FNDC3A: variants seen among roughly 807,000 people sequenced by gnomAD.
FNDC3A encodes the protein fibronectin type-III domain-containing protein 3A.
FNDC3A carries 32 observed loss-of-function variants against 148.9 expected under a neutral mutation model. That is an observed-to-expected ratio of 0.21 (90% CI 0.16 to 0.29). The LOEUF (loss-of-function observed/expected upper bound fraction) is 0.29. FNDC3A is among the 10% of genes least tolerant of loss of function. The pLI, the probability that FNDC3A is intolerant of heterozygous loss-of-function variation, is 1.00. For missense variants in FNDC3A, 1,191 were observed against 1,452.8 expected, an observed-to-expected ratio of 0.82 and a Z score of 2.93; for synonymous variants, 472 against 473.6, an observed-to-expected ratio of 1.00 and a Z score of 0.04.
intron 2 of FNDC3A, chr13:49,045,034 T>TCCTTTCCCTTTTCCTTTC (rs201708928): frequency 4.5e-6 from 1 of 220,820 alleles, no homozygotes; most frequent in Non-Finnish European, 9.0e-6. Context: ...CCTTTCCCTT[T>TCCTTTCCCTTTTCCTTTC]CCTTTCCCTT....
At chr13:48,994,651 G>A (rs919627952) in intron 1 of FNDC3A, among the ~76,000 whole-genome samples, 1 of 152,050 alleles carries the variant, frequency 6.6e-6, no homozygotes, top group Admixed American at 6.6e-5. Flanking sequence ...GGTGGCGCAT[G>A]CCTGTAATCC....
At chr13:49,172,222 T>A (rs1884790714) in intron 11 of FNDC3A, 126 bp downstream of exon 11, 1 of 602,988 alleles carries the variant, frequency 1.7e-6, no homozygotes, top group African/African-American at 1.9e-5. Context: ...TGATTTTGTG[T>A]GGTGCATGAG....
In FNDC3A at chr13:49,075,298, G is replaced by A. The variant is rs1362171175; in HGVS notation, c.109G>A (p.Val37Ile). The change falls in exon 3 of 26, where the codon GTA becomes ATA. Residue 37 changes from valine to isoleucine, a missense_variant. This residue lies in a region of FNDC3A where 426 missense variants were observed against 473.2 expected (regional missense o/e 0.90). Transcript: ENST00000492622. Reference sequence around the variant, plus strand: ...TCCCCTCATTTTTAAGGTTATTCTGGTACAAGTTAACCCAGGAGAAGCATT... The same window carrying A: ...TCCCCTCATTTTTAAGGTTATTCTGATACAAGTTAACCCAGGAGAAGCATT... Reference protein sequence around the residue: ...SADGTQQVILVQVNPGEAFTI... With the variant: ...SADGTQQVILIQVNPGEAFTI... 6.3e-7 allele frequency: 1 copy of A among 1,594,050 alleles called. No individual in the cohort carries two copies. Among genetic ancestry groups the A allele is most frequent in the African/African-American group, 1.3e-5 (1 of 74,242 alleles).
At chr13:49,187,461 G>C in intron 16 of FNDC3A, 4 of 1,410,308 alleles carry the variant, frequency 2.8e-6, no homozygotes, top group Non-Finnish European at 3.0e-6. Context: ...ATCTGTTAAT[G>C]GATGAACTGA....
At chr13:49,044,742 A>G (rs1875229366) in intron 2 of FNDC3A, 1 of 404,022 alleles carries the variant, frequency 2.5e-6, no homozygotes, top group Admixed American at 3.1e-5. Context: ...ATATAGCAAT[A>G]GCTAAGTTTG....
chr13:49,115,813 A>G (rs913256596), intron 4 of FNDC3A, among the ~76,000 whole-genome samples: 5 of 152,108 alleles, frequency 3.3e-5, no homozygotes, highest in Admixed American at 2.6e-4. Flanking sequence ...ATATTACTCT[A>G]CTAAAACTGC....
chr13:49,083,544 T>C (rs1878614741), intron 3 of FNDC3A, among the ~76,000 whole-genome samples: 1 of 151,852 alleles, frequency 6.6e-6, no homozygotes, highest in African/African-American at 2.4e-5. Context: ...CCAAGGAAGA[T>C]AACCAGGAGA....
intron 6 of FNDC3A, among the ~76,000 whole-genome samples, chr13:49,137,180 A>G (rs1882418957): frequency 6.6e-6 from 1 of 152,184 alleles, no homozygotes; most frequent in East Asian, 1.9e-4. Context: ...CTTGATAGCA[A>G]ATAGTTATAT....
At chr13:49,167,349 GTT>G in intron 9 of FNDC3A, 46 bp downstream of exon 9, 7 of 962,446 alleles carry the variant, frequency 7.3e-6, no homozygotes, top group South Asian at 1.9e-5. Context: ...AGCATAAGGG[GTT>G]TTTTTTTTAA....
chr13:49,035,507 T>C (rs986845172), intron 2 of FNDC3A, among the ~76,000 whole-genome samples: 114 of 152,182 alleles, frequency 7.5e-4, no homozygotes, highest in African/African-American at 2.6e-3. Flanking sequence ...TATTAAGTAA[T>C]AGAGTAGAAT....
chr13:49,127,180 T>A (rs1881751708), intron 4 of FNDC3A, among the ~76,000 whole-genome samples: 1 of 152,236 alleles, frequency 6.6e-6, no homozygotes, highest in Non-Finnish European at 1.5e-5. Context: ...CACATTACTC[T>A]AGCATTTTTC....
At chr13:48,975,612 A>G (rs1308513675), upstream of FNDC3A, 1 of 152,208 alleles carries the variant, frequency 6.6e-6, no homozygotes, top group Non-Finnish European at 1.5e-5. Flanking sequence ...GAGTGTCTCT[A>G]GGAACCTCCA....
chr13:49,165,413 C>G lies in FNDC3A; in HGVS notation c.978-1831C>G, dbSNP rs551391452. 9.2e-5 allele frequency among the ~76,000 whole-genome samples: 14 copies of G among 152,218 alleles called. No individual in the cohort carries two copies. In the East Asian group the frequency reaches 2.7e-3, roughly 29 times the overall value. ...TTCAGGGTACATGCTGAAGTGTAGT[C>G]TTTGTATAACTTCTGCTATAAACAG... On this transcript the variant is annotated intron_variant, in intron 8 of 25. Coordinates refer to ENST00000492622, the MANE Select transcript of FNDC3A (RefSeq NM_001079673.2).
intron 13 of FNDC3A, among the ~76,000 whole-genome samples, chr13:49,177,555 A>G (rs575192673): frequency 7.1e-4 from 108 of 152,318 alleles, no homozygotes; most frequent in African/African-American, 2.5e-3. Context: ...AATTGAAAAC[A>G]CATGTTCATA....
At chr13:49,020,265 G>A (rs1057096941) in intron 2 of FNDC3A, among the ~76,000 whole-genome samples, 1 of 152,056 alleles carries the variant, frequency 6.6e-6, no homozygotes, top group South Asian at 2.1e-4. Flanking sequence ...CCTGAATTAA[G>A]GTCATGTTAA....
intron 3 of FNDC3A, among the ~76,000 whole-genome samples, chr13:49,093,328 T>G (rs893790966): frequency 2.0e-5 from 3 of 152,196 alleles, no homozygotes; most frequent in African/African-American, 7.2e-5. Context: ...TCATTTCTAA[T>G]TGCACAGATA....
At chr13:49,128,465 C>T (rs543561792) in intron 4 of FNDC3A, among the ~76,000 whole-genome samples, 3 of 152,018 alleles carry the variant, frequency 2.0e-5, no homozygotes, top group Admixed American at 2.0e-4. Flanking sequence ...AGCAGTATTC[C>T]GGGCCTCTCT....
chr13:49,204,386 A>T (rs1282480687), intron 25 of FNDC3A, among the ~76,000 whole-genome samples: 2 of 152,032 alleles, frequency 1.3e-5, no homozygotes, highest in South Asian at 4.2e-4. Flanking sequence ...TGTGTCTTAT[A>T]TTTTCCTCTT....
At chr13:49,111,046 A>C (rs1383241419) in intron 3 of FNDC3A, among the ~76,000 whole-genome samples, 1 of 152,210 alleles carries the variant, frequency 6.6e-6, no homozygotes, top group Non-Finnish European at 1.5e-5. Context: ...AAGTGTATGC[A>C]CAGTTGTTGT....
Sources: allele counts gnomAD v4.1 joint callset (sites outside exome capture counted in the v4.1 genomes callset), GRCh38; gene constraint gnomAD v4.1.1; regional missense constraint gnomAD v4.1.1; transcripts MANE v1.5; gene names NCBI Gene and HGNC (gene_info 2026-07-23, HGNC 2026-07-21).